Variants in LRP1B observed in about 807,000 individuals in gnomAD.
The protein encoded by LRP1B is low-density lipoprotein receptor-related protein 1B.
Under a neutral mutation model 556.6 loss-of-function variants are expected in LRP1B, and 217 were observed. The observed-to-expected ratio is 0.39, with a 90% CI of 0.35 to 0.44. The LOEUF (loss-of-function observed/expected upper bound fraction) is 0.44, where lower values mean the gene tolerates loss of function less well. Among genes scored for constraint, LRP1B ranks in the 20% least tolerant of loss-of-function variants. LRP1B has a pLI of 1.00. For missense variants in LRP1B, 5,053 were observed against 5,620.8 expected (o/e 0.90, Z 3.23); for synonymous variants, 2,047 against 1,865.8 (o/e 1.10, Z -2.50).
At chr2:140,769,369 G>T in intron 34 of LRP1B, 25 bp from the exon 35 acceptor site, 2 of 1,570,600 alleles carry the variant, frequency 1.3e-6, no homozygotes, top group Non-Finnish European at 1.7e-6. Flanking sequence ...GGAGATAAGG[G>T]GGGGAAGGGA....
At chr2:141,290,910 C>G (rs557800660) in intron 3 of LRP1B, among the ~76,000 whole-genome samples, 2 of 151,874 alleles carry the variant, frequency 1.3e-5, no homozygotes, top group South Asian at 2.1e-4. Flanking sequence ...ATGTTTCAAG[C>G]CAAATGAAAC....
At chr2:140,990,609 G>A (rs1023070921) in intron 16 of LRP1B, among the ~76,000 whole-genome samples, 8 of 151,730 alleles carry the variant, frequency 5.3e-5, no homozygotes, top group African/African-American at 1.7e-4. Context: ...AAACAAACAT[G>A]CAACCACAGA....
chr2:140,764,693 T>G (rs993956795), intron 35 of LRP1B, among the ~76,000 whole-genome samples: 1 of 152,128 alleles, frequency 6.6e-6, no homozygotes, highest in African/African-American at 2.4e-5. Context: ...TTCCCATATA[T>G]TCCTTCCGCC....
chr2:141,282,180 C>A (rs2105389952), intron 3 of LRP1B, among the ~76,000 whole-genome samples: 1 of 152,052 alleles, frequency 6.6e-6, no homozygotes. Flanking sequence ...CATGGGATTA[C>A]AGGGGAGACT....
chr2:141,066,547 A>G (rs985246340), intron 7 of LRP1B, among the ~76,000 whole-genome samples: 5 of 151,954 alleles, frequency 3.3e-5, no homozygotes, highest in Admixed American at 6.6e-5. Context: ...TGATAAAAAT[A>G]AGAATTGCTT....
At chr2:140,933,950 T>C (rs1014442948) in intron 20 of LRP1B, among the ~76,000 whole-genome samples, 1 of 107,500 alleles carries the variant, frequency 9.3e-6, no homozygotes, top group Admixed American at 1.0e-4. Context: ...TAAAGCGTTA[T>C]TTTGTCTTGG....
chr2:140,475,821 C>A (rs899520352), intron 59 of LRP1B, among the ~76,000 whole-genome samples: 1 of 151,596 alleles, frequency 6.6e-6, no homozygotes, highest in African/African-American at 2.4e-5. Flanking sequence ...TAAATTTAAA[C>A]TAATTAAAAT....
At chr2:140,691,502 A>AG (rs1251309144) in intron 41 of LRP1B, among the ~76,000 whole-genome samples, 2 of 151,900 alleles carry the variant, frequency 1.3e-5, no homozygotes, top group Non-Finnish European at 2.9e-5. Context: ...AAAAAAAAAA[A>AG]AAAGTGAAGT....
At chr2:141,113,242 GAA>G (rs1409821116) in intron 7 of LRP1B, among the ~76,000 whole-genome samples, 1 of 152,064 alleles carries the variant, frequency 6.6e-6, no homozygotes, top group Non-Finnish European at 1.5e-5. Context: ...AGCACACAGT[GAA>G]CCAAAGAGAT....
At chr2:141,038,389 CTA>C (rs1346369900) in intron 11 of LRP1B, among the ~76,000 whole-genome samples, 2 of 152,008 alleles carry the variant, frequency 1.3e-5, no homozygotes, top group Admixed American at 1.3e-4. Flanking sequence ...CTGTCTACTA[CTA>C]CCTAGTGTAA....
At chr2:141,948,690 A>G (rs1701024199) in intron 1 of LRP1B, among the ~76,000 whole-genome samples, 1 of 152,156 alleles carries the variant, frequency 6.6e-6, no homozygotes, top group African/African-American at 2.4e-5. Context: ...ATGATTATCA[A>G]GTGAAAATGA....
In LRP1B at chr2:141,222,613, C is replaced by T. The variant is rs191167893; in HGVS notation, c.850+6570G>A. On this transcript the variant is annotated intron_variant, in intron 6 of 90. Coordinates refer to ENST00000389484, the MANE Select transcript of LRP1B (RefSeq NM_018557.3). ...TTAGTCCAATATCCCCAATGAACATCAATGCAAAAAAATCCTCAATAAAAT... is the reference window on the plus strand; with the variant it reads ...TTAGTCCAATATCCCCAATGAACATTAATGCAAAAAAATCCTCAATAAAAT... Among the ~76,000 whole-genome samples the T allele has an allele frequency of 5.9e-5, 9 of 152,154 alleles. No individual in the cohort carries two copies. In the East Asian group the frequency reaches 1.7e-3, roughly 29 times the overall value.
chr2:140,989,426 G>T (rs2105352298), intron 17 of LRP1B, 106 bp downstream of exon 17: 2 of 1,182,572 alleles, frequency 1.7e-6, no homozygotes, highest in Non-Finnish European at 2.4e-6. Context: ...GCAATAATCA[G>T]ATCATCAGCA....
chr2:141,942,190 C>T (rs917794793), intron 1 of LRP1B, among the ~76,000 whole-genome samples: 51 of 152,156 alleles, frequency 3.4e-4, no homozygotes, highest in African/African-American at 1.1e-3. Context: ...CCTCAACCAA[C>T]CTCCTCACTC....
At chr2:141,155,664 T>A (rs943315827) in intron 7 of LRP1B, among the ~76,000 whole-genome samples, 1 of 151,936 alleles carries the variant, frequency 6.6e-6, no homozygotes, top group Non-Finnish European at 1.5e-5. Context: ...AAAATTGGAT[T>A]TGCAGCTGCA....
rs75309911 is a variant in LRP1B, at chr2:140,457,752, C to T, written c.9626-101G>A. ...GACAGATACAACTGCTACATAACTT[C>T]GTGTGAATAATTGCTGTGACAACCT... On this transcript the variant is annotated intron_variant, in intron 60 of 90. Coordinates refer to ENST00000389484, the MANE Select transcript of LRP1B (RefSeq NM_018557.3). The T allele has an allele frequency of 2.8e-4, 254 of 916,420 alleles. 1 individual carries two copies. The African/African-American group carries it at 3.8e-3, about 14-fold the overall frequency. The allele number at this position is 916,420 out of a possible 1,614,324, so 56.8% of individuals were successfully genotyped here. A position where few individuals can be genotyped will look rare whatever the true frequency, so the allele number is the denominator to read the frequency against.
At chr2:141,724,991 C>A (rs147239369) in intron 2 of LRP1B, among the ~76,000 whole-genome samples, 245 of 151,994 alleles carry the variant, frequency 1.6e-3, no homozygotes, top group African/African-American at 5.7e-3. Context: ...CCTTCCCAAT[C>A]CCGCCTTTTA....
At chr2:140,479,582 T>A (rs193167594) in intron 59 of LRP1B, among the ~76,000 whole-genome samples, 4 of 152,304 alleles carry the variant, frequency 2.6e-5, no homozygotes, top group African/African-American at 9.6e-5. Flanking sequence ...AGTGATTAAA[T>A]AGAAGTCTTT....
chr2:140,568,440 A>G (rs1294181038), intron 43 of LRP1B, among the ~76,000 whole-genome samples: 1 of 152,050 alleles, frequency 6.6e-6, no homozygotes, highest in African/African-American at 2.4e-5. Flanking sequence ...CTGTCAGAGA[A>G]AGAAGAAATA....
Sources: gnomAD v4.1 joint callset for allele counts (sites outside exome capture counted in the v4.1 genomes callset) on GRCh38, gnomAD v4.1.1 for gene constraint, MANE v1.5 for transcripts, NCBI Gene and HGNC (gene_info 2026-07-23, HGNC 2026-07-21) for gene names.